The following LOC128462377 variants were observed in gnomAD, a reference collection of about 807,000 sequenced individuals.
the LOC128462377 span, among the ~76,000 whole-genome samples, chr16:89,358,896 G>T: frequency 1.3e-5 from 2 of 152,054 alleles, 1 homozygote; most frequent in South Asian, 4.1e-4. Flanking sequence ...TGCGATCATG[G>T]CTCACCACAG....
the LOC128462377 span, chr16:89,324,646 C>T: frequency 7.8e-6 from 3 of 383,132 alleles, no homozygotes; most frequent in Non-Finnish European, 1.6e-5. Flanking sequence ...GTCTTCCAGC[C>T]TCCATCTTTC....
At chr16:89,324,933 T>C in the LOC128462377 span, 1 of 197,574 alleles carries the variant, frequency 5.1e-6, no homozygotes, top group Non-Finnish European at 1.0e-5. Context: ...ATCCTATTAG[T>C]GCTGTCCCTC....
chr16:89,416,689 G>A, the LOC128462377 span, among the ~76,000 whole-genome samples: 23 of 151,850 alleles, frequency 1.5e-4, no homozygotes, highest in East Asian at 1.6e-3. Context: ...CAGCACTTTG[G>A]GAGGCTGAGG....
At chr16:89,389,384 C>T in the LOC128462377 span, among the ~76,000 whole-genome samples, 1 of 152,034 alleles carries the variant, frequency 6.6e-6, no homozygotes, top group Middle Eastern at 3.4e-3. Flanking sequence ...AAAAAAATTC[C>T]TGGGCATGTA....
chr16:89,386,285 T>C, the LOC128462377 span, among the ~76,000 whole-genome samples: 1 of 152,200 alleles, frequency 6.6e-6, no homozygotes, highest in Non-Finnish European at 1.5e-5. Flanking sequence ...CTTTTTTTTT[T>C]TAAAGCTTGA....
chr16:89,395,569 C>T, the LOC128462377 span: 1 of 152,238 alleles, frequency 6.6e-6, no homozygotes, highest in South Asian at 2.1e-4. Context: ...GACCAATGGG[C>T]CATCACATTG....
chr16:89,332,072 G>A, the LOC128462377 span, among the ~76,000 whole-genome samples: 14 of 152,040 alleles, frequency 9.2e-5, no homozygotes, highest in East Asian at 1.9e-4. Context: ...GGGATCATTC[G>A]ATCCCAGGAG....
the LOC128462377 span, among the ~76,000 whole-genome samples, chr16:89,414,226 CTT>C: frequency 2.0e-5 from 3 of 152,248 alleles, no homozygotes; most frequent in African/African-American, 7.2e-5. Flanking sequence ...GTCCAAGCCT[CTT>C]TTCATATGAA....
At chr16:89,396,551 A>G in the LOC128462377 span, among the ~76,000 whole-genome samples, 11 of 151,644 alleles carry the variant, frequency 7.3e-5, no homozygotes, top group South Asian at 2.3e-3. Context: ...TTTTTTTTGT[A>G]TACTTCAACT....
the LOC128462377 span, among the ~76,000 whole-genome samples, chr16:89,397,288 C>G: frequency 6.6e-6 from 1 of 152,222 alleles, no homozygotes; most frequent in Admixed American, 6.5e-5. Context: ...AGCCAAGAAC[C>G]CCCTCAGGGC....
At chr16:89,333,639 T>C in the LOC128462377 span, among the ~76,000 whole-genome samples, 1 of 152,236 alleles carries the variant, frequency 6.6e-6, no homozygotes, top group Admixed American at 6.5e-5. Flanking sequence ...GGAGACGGGC[T>C]GCTTTCACTC....
the LOC128462377 span, among the ~76,000 whole-genome samples, chr16:89,415,462 C>T: frequency 6.8e-6 from 1 of 147,384 alleles, no homozygotes; most frequent in Admixed American, 6.8e-5. Flanking sequence ...GACGGGGTTT[C>T]ACCGTGTTAG....
At chr16:89,396,253 C>T in the LOC128462377 span, among the ~76,000 whole-genome samples, 2 of 152,194 alleles carry the variant, frequency 1.3e-5, no homozygotes, top group Non-Finnish European at 2.9e-5. Context: ...AGTGGATCCA[C>T]GTCGGGAGAT....
the LOC128462377 span, among the ~76,000 whole-genome samples, chr16:89,416,694 C>T: frequency 6.6e-6 from 1 of 150,572 alleles, no homozygotes; most frequent in Non-Finnish European, 1.5e-5. Context: ...CTTTGGGAGG[C>T]TGAGGCAGGA....
chr16:89,355,933 G>A, the LOC128462377 span, among the ~76,000 whole-genome samples: 4 of 152,318 alleles, frequency 2.6e-5, no homozygotes, highest in South Asian at 2.1e-4. Context: ...GCTCAGGAAC[G>A]CTAAGTGACT....
At chr16:89,389,427 A>T in the LOC128462377 span, among the ~76,000 whole-genome samples, 1 of 152,212 alleles carries the variant, frequency 6.6e-6, no homozygotes, top group African/African-American at 2.4e-5. Flanking sequence ...GGAGAAAAAA[A>T]AGTCAATCAA....
the LOC128462377 span, among the ~76,000 whole-genome samples, chr16:89,369,290 G>A: frequency 2.0e-5 from 3 of 152,136 alleles, no homozygotes; most frequent in Admixed American, 6.5e-5. Context: ...ACGTCTCCAC[G>A]ACACTCGCAG....
At chr16:89,341,900 A>T in the LOC128462377 span, among the ~76,000 whole-genome samples, 337 of 115,472 alleles carry the variant, frequency 2.9e-3, no homozygotes, top group African/African-American at 6.3e-3. Context: ...CTGCACCTCC[A>T]CCCACAGCGG....
At chr16:89,325,232 G>C in the LOC128462377 span, 2 of 152,210 alleles carry the variant, frequency 1.3e-5, no homozygotes, top group African/African-American at 4.8e-5. Context: ...ACATCACAAC[G>C]TAAGTCAATC....
Sources: allele counts gnomAD v4.1 joint callset (sites outside exome capture counted in the v4.1 genomes callset), GRCh38; gene constraint gnomAD v4.1.1; transcripts MANE v1.5.